Variants in PPP3CA observed in about 807,000 individuals in gnomAD.
PPP3CA encodes protein phosphatase 3 catalytic subunit alpha.
In PPP3CA, 14 loss-of-function variants were observed where a neutral mutation model predicts 66.5. That is an observed-to-expected ratio of 0.21 (90% CI 0.14 to 0.33). The LOEUF (loss-of-function observed/expected upper bound fraction) is 0.33, where lower values mean the gene tolerates loss of function less well. Ranked by LOEUF, PPP3CA falls within the 10% of genes least tolerant of loss-of-function variation. The probability of loss-of-function intolerance (pLI) is 1.00; values close to 1 mark genes in which losing one functional copy is unlikely to be tolerated. For synonymous variants in PPP3CA, 232 were observed against 226.2 expected, an observed-to-expected ratio of 1.03 and a Z score of -0.23; for missense variants, 317 against 639.5, an observed-to-expected ratio of 0.50 and a Z score of 5.44.
chr4:101,313,844 C>T (rs556917661), intron 1 of PPP3CA, among the ~76,000 whole-genome samples: 4 of 152,164 alleles, frequency 2.6e-5, no homozygotes, highest in African/African-American at 7.2e-5. Flanking sequence ...TTTAAAAACT[C>T]TATTAAATGT....
Position 101,323,532 on chromosome 4 carries a change from T to C in PPP3CA, c.58+23207A>G, listed in dbSNP as rs577615599. Among the ~76,000 whole-genome samples the C allele has an allele frequency of 2.2e-3, 329 of 152,264 alleles. 1 individual carries two copies. The highest frequency in any genetic ancestry group is 7.2e-3 in the African/African-American group (300 of 41,542). On this transcript the variant is annotated intron_variant, in intron 1 of 13. Transcript: ENST00000394854. ...AGAATATATTTCTGAATGCCTTCTATCCCTGCTCAAATCAGGAATCCAATT... is the reference window on the plus strand; with the variant it reads ...AGAATATATTTCTGAATGCCTTCTACCCCTGCTCAAATCAGGAATCCAATT...
At chr4:101,179,751 A>C (rs548253421) in intron 2 of PPP3CA, among the ~76,000 whole-genome samples, 1 of 152,302 alleles carries the variant, frequency 6.6e-6, no homozygotes, top group Admixed American at 6.5e-5. Flanking sequence ...AAATATTTGA[A>C]TCAAGATAAT....
Position 101,106,403 on chromosome 4 carries a change from A to G in PPP3CA, c.384+2551T>C, listed in dbSNP as rs1026982128. On this transcript the variant is annotated intron_variant, in intron 3 of 13. Transcript: ENST00000394854. ...AAAGAAAGAAAGAAAGAAAGAAAGAAAGAAAGAAAGAAAGAAAGAAAGAAA... is the reference window on the plus strand; with the variant it reads ...AAAGAAAGAAAGAAAGAAAGAAAGAGAGAAAGAAAGAAAGAAAGAAAGAAA... Among the ~76,000 whole-genome samples the G allele has an allele frequency of 3.7e-3, 37 of 9,920 alleles. 1 individual carries two copies. The highest frequency in any genetic ancestry group is 6.8e-3 in the Non-Finnish European group (32 of 4,702). 6.5% of individuals were successfully genotyped at this position (9,920 alleles called of 152,430 possible).
At chr4:101,332,440 C>T (rs533839695) in intron 1 of PPP3CA, among the ~76,000 whole-genome samples, 4 of 152,174 alleles carry the variant, frequency 2.6e-5, no homozygotes, top group Non-Finnish European at 4.4e-5. Flanking sequence ...AACAAGGTGA[C>T]ACCTGTCAAA....
intron 10 of PPP3CA, among the ~76,000 whole-genome samples, chr4:101,050,176 T>C (rs1238626659): frequency 6.6e-6 from 1 of 152,072 alleles, no homozygotes; most frequent in African/African-American, 2.4e-5. Context: ...GGAGAACGGA[T>C]GTGCTAGTTG....
intron 3 of PPP3CA, among the ~76,000 whole-genome samples, chr4:101,102,647 T>C (rs1294186872): frequency 6.6e-6 from 1 of 152,122 alleles, no homozygotes; most frequent in African/African-American, 2.4e-5. Context: ...AGCTCTAACA[T>C]TCTGAAGAAC....
At chr4:101,124,911 C>G (rs1271282740) in intron 2 of PPP3CA, among the ~76,000 whole-genome samples, 1 of 152,182 alleles carries the variant, frequency 6.6e-6, no homozygotes, top group Admixed American at 6.5e-5. Flanking sequence ...TAAATATTCA[C>G]AGGTTACTGA....
At chr4:101,108,466 T>C (rs781314124) in intron 3 of PPP3CA, among the ~76,000 whole-genome samples, 4 of 152,134 alleles carry the variant, frequency 2.6e-5, no homozygotes, top group African/African-American at 9.7e-5. Flanking sequence ...GCATCTCTAT[T>C]AAAAAATATG....
chr4:101,211,055 T>C (rs1477982029), intron 1 of PPP3CA, among the ~76,000 whole-genome samples: 1 of 152,230 alleles, frequency 6.6e-6, no homozygotes, highest in Non-Finnish European at 1.5e-5. Flanking sequence ...TCACTGAATT[T>C]TCACAACAGT....
intron 1 of PPP3CA, among the ~76,000 whole-genome samples, chr4:101,338,564 C>T (rs768314254): frequency 2.0e-5 from 3 of 152,176 alleles, no homozygotes; most frequent in Non-Finnish European, 4.4e-5. Context: ...CTTTCCACCT[C>T]CTGGGGAGGA....
Position 101,332,842 on chromosome 4 carries a change from A to C in PPP3CA, c.58+13897T>G, listed in dbSNP as rs375723671. Among the ~76,000 whole-genome samples, 6 of 152,220 alleles carry C rather than the reference A, an allele frequency of 3.9e-5. No homozygotes were observed. The East Asian group carries it at 9.6e-4, about 24-fold the overall frequency. ...TATGGAGGACAGAGGATTTAAATAC[A>C]GATTTTGTCTAGCTGTAAACCAATG... On this transcript the variant is annotated intron_variant, in intron 1 of 13. Coordinates refer to ENST00000394854, the MANE Select transcript of PPP3CA (RefSeq NM_000944.5).
chr4:101,040,711 AT>A (rs1241625214), intron 10 of PPP3CA, 145 bp from the exon 11 acceptor site: 17 of 633,928 alleles, frequency 2.7e-5, no homozygotes, highest in Non-Finnish European at 4.0e-5. Flanking sequence ...TGTAAATCAA[AT>A]TTGAAAATTT....
chr4:101,317,436 T>C (rs1639337130), intron 1 of PPP3CA, among the ~76,000 whole-genome samples: 1 of 152,192 alleles, frequency 6.6e-6, no homozygotes, highest in Admixed American at 6.5e-5. Context: ...CCATAATCTT[T>C]AATGCAAGAC....
chr4:101,321,985 A>G (rs1464977537), intron 1 of PPP3CA, among the ~76,000 whole-genome samples: 2 of 152,192 alleles, frequency 1.3e-5, no homozygotes, highest in African/African-American at 4.8e-5. Flanking sequence ...CCAATTAAGA[A>G]TAAGAAATCC....
At chr4:101,035,128 G>A (rs1727182039) in intron 11 of PPP3CA, among the ~76,000 whole-genome samples, 2 of 152,128 alleles carry the variant, frequency 1.3e-5, no homozygotes, top group Non-Finnish European at 1.5e-5. Flanking sequence ...AATTAGCCGG[G>A]TGTGATGGCA....
chr4:101,320,809 G>A (rs923309477), intron 1 of PPP3CA, among the ~76,000 whole-genome samples: 3 of 152,056 alleles, frequency 2.0e-5, no homozygotes, highest in African/African-American at 7.2e-5. Flanking sequence ...GAATCTTCGG[G>A]AGAGATTATA....
At chr4:101,083,761 C>G (rs188312724) in intron 6 of PPP3CA, among the ~76,000 whole-genome samples, 1 of 152,212 alleles carries the variant, frequency 6.6e-6, no homozygotes, top group African/African-American at 2.4e-5. Context: ...TCTATAATCT[C>G]CCAGATTTAA....
At chr4:101,264,889 G>A (rs1471783626) in intron 1 of PPP3CA, among the ~76,000 whole-genome samples, 5 of 152,116 alleles carry the variant, frequency 3.3e-5, no homozygotes. Flanking sequence ...GCAGGGAAAA[G>A]TCAGATTTTA....
At chr4:101,282,104 G>A (rs1398342215) in intron 1 of PPP3CA, among the ~76,000 whole-genome samples, 3 of 152,198 alleles carry the variant, frequency 2.0e-5, no homozygotes, top group South Asian at 4.1e-4. Flanking sequence ...AAGTTTGAAA[G>A]TGACTTGCAG....
Sources: allele counts gnomAD v4.1 joint callset (sites outside exome capture counted in the v4.1 genomes callset), GRCh38; gene constraint gnomAD v4.1.1; transcripts MANE v1.5; gene names NCBI Gene and HGNC (gene_info 2026-07-23, HGNC 2026-07-21).